EFCAB7: variants seen among roughly 807,000 people sequenced by gnomAD.
EFCAB7 encodes the protein EF-hand calcium binding domain 7, also known as EF-hand calcium-binding domain-containing protein 7.
A neutral mutation model predicts 77.1 loss-of-function variants in EFCAB7; 66 were observed. That is an observed-to-expected ratio of 0.86 (90% CI 0.70 to 1.05). EFCAB7 has a LOEUF of 1.05. Among genes scored for constraint, EFCAB7 ranks in the 50% least tolerant of loss-of-function variants. EFCAB7 has a pLI of 0.00. For missense variants in EFCAB7, 638 were observed against 730.5 expected (o/e 0.87, Z 1.46); for synonymous variants, 225 against 243.3 (o/e 0.92, Z 0.70).
downstream of EFCAB7, among the ~76,000 whole-genome samples, chr1:63,576,211 T>TG (rs1647408059): frequency 3.9e-5 from 6 of 152,198 alleles, no homozygotes; most frequent in Admixed American, 3.9e-4. Context: ...CCTGACACGG[T>TG]GGCTCACGCC....
Position 63,561,744 on chromosome 1 carries a change from C to T in EFCAB7, c.1384C>T (p.Gln462Ter), listed in dbSNP as rs776760398. 1 of 1,604,938 alleles carries T rather than the reference C, an allele frequency of 6.2e-7. No homozygotes were observed. Among genetic ancestry groups the T allele is most frequent in the East Asian group, 2.3e-5 (1 of 44,410 alleles). ...FDTKRNELTR[Q>*]GFMDLNLMEA... ...TACAAAGAGGAATGAACTAACAAGA[C>T]AAGGATTTATGGATTTGAATCTAAT... Residue 462 changes from glutamine to a stop codon, truncating the protein, a stop_gained, in exon 11 of 14, where the codon CAA becomes TAA. Transcript: ENST00000371088. LOFTEE classifies it high-confidence loss of function.
chr1:63,527,973 G>A (rs577329735), intron 2 of EFCAB7: 10 of 152,312 alleles, frequency 6.6e-5, no homozygotes, highest in Non-Finnish European at 1.3e-4. Flanking sequence ...CTCTTACACT[G>A]TTGGTAGGAA....
intron 6 of EFCAB7, among the ~76,000 whole-genome samples, chr1:63,541,671 T>C (rs1646830793): frequency 6.6e-6 from 1 of 152,030 alleles, no homozygotes; most frequent in Non-Finnish European, 1.5e-5. Flanking sequence ...TTCAAGGAAT[T>C]CTCCTACCTC....
intron 6 of EFCAB7, among the ~76,000 whole-genome samples, chr1:63,540,306 G>A (rs2100885522): frequency 6.7e-6 from 1 of 149,974 alleles, no homozygotes; most frequent in South Asian, 2.1e-4. Context: ...GGAGGTGGCA[G>A]TGGGCCGAGA....
At chr1:63,529,460 T>C (rs868773689) in intron 2 of EFCAB7, among the ~76,000 whole-genome samples, 15 of 152,158 alleles carry the variant, frequency 9.9e-5, no homozygotes, top group African/African-American at 3.6e-4. Flanking sequence ...ATGCCTATAA[T>C]CCCAGCACTT....
chr1:63,563,760 ATTTC>A (rs750300552), intron 11 of EFCAB7, among the ~76,000 whole-genome samples: 29 of 152,114 alleles, frequency 1.9e-4, no homozygotes, highest in East Asian at 1.4e-3. Context: ...CTTATTACTT[ATTTC>A]TTTATTTTTC....
chr1:63,562,405 C>A, intron 11 of EFCAB7, among the ~76,000 whole-genome samples: 1 of 130,124 alleles, frequency 7.7e-6, no homozygotes, highest in Non-Finnish European at 1.6e-5. Context: ...CGTAATAAAC[C>A]ATAGGGGTAA....
intron 10 of EFCAB7, among the ~76,000 whole-genome samples, chr1:63,559,398 CTT>C (rs1647068480): frequency 6.6e-6 from 1 of 151,394 alleles, no homozygotes; most frequent in East Asian, 1.9e-4. Context: ...TGTATGATAC[CTT>C]TGTTACAATT....
intron 2 of EFCAB7, chr1:63,529,479 C>G (rs1045218413): frequency 1.3e-5 from 2 of 151,970 alleles, no homozygotes; most frequent in African/African-American, 4.8e-5. Flanking sequence ...TTTGGGAGGC[C>G]GAGACGTGCG....
chr1:63,552,185 A>G (rs1386346078), intron 8 of EFCAB7, among the ~76,000 whole-genome samples: 1 of 152,050 alleles, frequency 6.6e-6, no homozygotes, highest in Non-Finnish European at 1.5e-5. Context: ...TTACCTGTGA[A>G]TAGCCACTGT....
intron 7 of EFCAB7, chr1:63,549,593 C>T (rs751058731): frequency 3.9e-5 from 17 of 438,352 alleles, no homozygotes; most frequent in African/African-American, 2.7e-4. Context: ...ACTTTTGAGA[C>T]AGATTTGGCT....
intron 11 of EFCAB7, among the ~76,000 whole-genome samples, chr1:63,563,037 A>C (rs993197321): frequency 4.6e-5 from 7 of 152,152 alleles, no homozygotes; most frequent in African/African-American, 1.4e-4. Context: ...TTTATATCCT[A>C]CTTGAGCCTA....
chr1:63,576,240 G>T (rs184911534), downstream of EFCAB7, among the ~76,000 whole-genome samples: 1 of 152,308 alleles, frequency 6.6e-6, no homozygotes, highest in East Asian at 1.9e-4. Context: ...CAGCACTTGG[G>T]AGGCCGAGGC....
downstream of EFCAB7, among the ~76,000 whole-genome samples, chr1:63,577,174 A>G (rs1289782687): frequency 6.6e-6 from 1 of 151,954 alleles, no homozygotes; most frequent in Non-Finnish European, 1.5e-5. Context: ...TTCACCCAAT[A>G]CATTTCTAAA....
At chr1:63,534,535 C>T (rs1473101668) in intron 6 of EFCAB7, among the ~76,000 whole-genome samples, 1 of 152,076 alleles carries the variant, frequency 6.6e-6, no homozygotes, top group Non-Finnish European at 1.5e-5. Context: ...ATAAATAAAT[C>T]ATTCATTCAA....
chr1:63,535,573 G>C (rs1052315142), intron 6 of EFCAB7, among the ~76,000 whole-genome samples: 7 of 151,990 alleles, frequency 4.6e-5, no homozygotes, highest in African/African-American at 1.7e-4. Context: ...ATAACTGTGT[G>C]ATCTTGGGTG....
intron 6 of EFCAB7, among the ~76,000 whole-genome samples, chr1:63,538,599 G>A (rs1646791501): frequency 6.6e-6 from 1 of 151,968 alleles, no homozygotes; most frequent in African/African-American, 2.4e-5. Context: ...GGCTACAGGT[G>A]TGCACCACCA....
Position 63,532,038 on chromosome 1 carries a change from T to G in EFCAB7, c.399+7T>G. On this transcript the variant is annotated splice_region_variant and intron_variant, in intron 3 of 13. Transcript: ENST00000371088. ...TTATAAATTTCTAACAAAGGTAAGA[T>G]CTGTAAAACTGTTTTGTAATGTGCA... 1 of 1,598,278 alleles carries G rather than the reference T, an allele frequency of 6.3e-7. No individual in the cohort carries two copies. The highest frequency in any genetic ancestry group is 8.6e-7 in the Non-Finnish European group (1 of 1,168,622).
At chr1:63,559,402 G>T (rs1647068581) in intron 10 of EFCAB7, among the ~76,000 whole-genome samples, 1 of 148,780 alleles carries the variant, frequency 6.7e-6, no homozygotes, top group Admixed American at 6.8e-5. Context: ...TGATACCTTT[G>T]TTACAATTGA....
Sources: allele counts gnomAD v4.1 joint callset (sites outside exome capture counted in the v4.1 genomes callset), GRCh38; gene constraint gnomAD v4.1.1; transcripts MANE v1.5; gene names NCBI Gene and HGNC (gene_info 2026-07-23, HGNC 2026-07-21).